HPSE2: variants seen among roughly 807,000 people sequenced by gnomAD.
The protein encoded by HPSE2 is inactive heparanase-2.
Under a neutral mutation model 60.5 loss-of-function variants are expected in HPSE2, and 38 were observed. The observed-to-expected ratio is 0.63, with a 90% confidence interval of 0.48 to 0.82. The LOEUF is 0.82. HPSE2 is among the 40% of genes least tolerant of loss of function. The pLI is 0.00. For synonymous variants in HPSE2, 295 were observed against 293.2 expected (o/e 1.01, Z -0.06); for missense variants, 713 against 740.4 (o/e 0.96, Z 0.43).
intron 7 of HPSE2, among the ~76,000 whole-genome samples, chr10:98,630,204 T>G (rs541737669): frequency 7.3e-4 from 110 of 150,184 alleles, no homozygotes; most frequent in East Asian, 5.1e-3. Flanking sequence ...TGTTTTTTTT[T>G]TTTTTGTTTT....
At position 98,936,008 on chromosome 10, in the gene HPSE2, G is replaced by T. The variant is rs577916720; in HGVS notation, c.611-191952C>A. 3.7e-4 allele frequency among the ~76,000 whole-genome samples: 54 copies of T among 144,774 alleles called. 9 individuals are homozygous for T. Among genetic ancestry groups the T allele is most frequent in the African/African-American group, 1.3e-3 (47 of 35,982 alleles). The allele number at this position is 144,774 out of a possible 152,430, so 95.0% of individuals were successfully genotyped here. On this transcript the variant is annotated intron_variant, in intron 3 of 11. Transcript: ENST00000370552. ...CCTGCAGGGATGCCCTGCCCGGTGA[G>T]GGGGTATCTAGAGAAGTAGTCTGGC...
chr10:98,460,710 A>G (rs1428555469), intron 11 of HPSE2, among the ~76,000 whole-genome samples: 1 of 152,242 alleles, frequency 6.6e-6, no homozygotes, highest in African/African-American at 2.4e-5. Context: ...TGTGATCACA[A>G]TTCATCTATC....
intron 3 of HPSE2, chr10:98,924,349 A>G (rs888944412): frequency 6.6e-6 from 1 of 152,344 alleles, no homozygotes; most frequent in African/African-American, 2.4e-5. Flanking sequence ...GGCCTTGCCC[A>G]AGGCCCTTCC....
intron 3 of HPSE2, among the ~76,000 whole-genome samples, chr10:99,004,044 TAAGTA>T (rs1353707182): frequency 6.6e-6 from 1 of 152,100 alleles, no homozygotes; most frequent in Non-Finnish European, 1.5e-5. Flanking sequence ...TTATTTGATA[TAAGTA>T]TAGTTACCCT....
At chr10:99,073,799 T>C (rs1161002681) in intron 3 of HPSE2, among the ~76,000 whole-genome samples, 1 of 152,220 alleles carries the variant, frequency 6.6e-6, no homozygotes, top group Non-Finnish European at 1.5e-5. Flanking sequence ...TATTTTATTC[T>C]TTTTGATGCT....
chr10:98,861,954 G>C lies in HPSE2; in HGVS notation c.611-117898C>G, dbSNP rs373277763. Among the ~76,000 whole-genome samples the C allele has an allele frequency of 1.1e-4, 17 of 152,266 alleles. No homozygotes were observed. The East Asian group carries it at 1.5e-3, about 14-fold the overall frequency. Reference sequence around the variant, plus strand: ...GGATCTTTGAAATATAGGCCCTCTAGCGTTTGCAGGAATAGTGAGTTGTCC... The same window carrying C: ...GGATCTTTGAAATATAGGCCCTCTACCGTTTGCAGGAATAGTGAGTTGTCC... On this transcript the variant is annotated intron_variant, in intron 3 of 11. Coordinates refer to ENST00000370552, the MANE Select transcript of HPSE2 (RefSeq NM_021828.5).
At chr10:99,119,119 GGGAA>G (rs1337475575) in intron 3 of HPSE2, among the ~76,000 whole-genome samples, 2 of 150,190 alleles carry the variant, frequency 1.3e-5, no homozygotes, top group African/African-American at 4.9e-5. Flanking sequence ...GAGGGAGGGA[GGGAA>G]GGAAGGCTGA....
chr10:98,619,533 T>A (rs1323770707), intron 8 of HPSE2, among the ~76,000 whole-genome samples: 1 of 152,216 alleles, frequency 6.6e-6, no homozygotes, highest in Non-Finnish European at 1.5e-5. Flanking sequence ...TGGCTTGCTG[T>A]GAATATAGAA....
At chr10:98,934,663 C>A (rs1376625655) in intron 3 of HPSE2, among the ~76,000 whole-genome samples, 1 of 144,166 alleles carries the variant, frequency 6.9e-6, no homozygotes, top group African/African-American at 2.8e-5. Context: ...GTGTCATGGG[C>A]TTCCCTTTGT....
chr10:98,735,768 C>T (rs1949341523), intron 4 of HPSE2, among the ~76,000 whole-genome samples: 2 of 152,148 alleles, frequency 1.3e-5, no homozygotes, highest in South Asian at 4.1e-4. Flanking sequence ...TTTATTTTGG[C>T]TAATTTCTCC....
At chr10:98,744,859 G>C (rs2134331997) in intron 3 of HPSE2, among the ~76,000 whole-genome samples, 1 of 152,274 alleles carries the variant, frequency 6.6e-6, no homozygotes, top group Admixed American at 6.5e-5. Context: ...TTTCACTGAA[G>C]TCCAGATTTC....
At chr10:99,161,767 A>C (rs1219507380) in intron 2 of HPSE2, among the ~76,000 whole-genome samples, 1 of 152,218 alleles carries the variant, frequency 6.6e-6, no homozygotes, top group African/African-American at 2.4e-5. Flanking sequence ...AGTAGCCAAA[A>C]GGTAGAAGTA....
chr10:99,259,526 C>T, the HPSE2 span, among the ~76,000 whole-genome samples: 82,913 of 152,008 alleles, frequency 0.55, 24,421 homozygotes, highest in East Asian at 0.66. Flanking sequence ...AAAAATTGCA[C>T]GAAAAGATGC....
At chr10:99,163,384 A>G (rs1487956102) in intron 2 of HPSE2, among the ~76,000 whole-genome samples, 1 of 152,174 alleles carries the variant, frequency 6.6e-6, no homozygotes, top group Non-Finnish European at 1.5e-5. Context: ...AAATACGTAA[A>G]GTCCTCAGTT....
At chr10:98,625,183 T>C (rs1030379784) in intron 7 of HPSE2, among the ~76,000 whole-genome samples, 3 of 152,216 alleles carry the variant, frequency 2.0e-5, no homozygotes, top group Non-Finnish European at 2.9e-5. Flanking sequence ...AAGGAAGTCA[T>C]GTGACCTGAT....
intron 3 of HPSE2, among the ~76,000 whole-genome samples, chr10:99,067,065 G>A (rs1174839303): frequency 6.6e-6 from 1 of 152,132 alleles, no homozygotes; most frequent in African/African-American, 2.4e-5. Context: ...AAAATCCAAT[G>A]GGGCAGTCAA....
At chr10:98,991,012 G>A (rs1355023070) in intron 3 of HPSE2, among the ~76,000 whole-genome samples, 1 of 152,112 alleles carries the variant, frequency 6.6e-6, no homozygotes, top group Admixed American at 6.5e-5. Context: ...AATTGATCAT[G>A]CATATTCCCA....
chr10:99,145,361 G>T (rs1846013266), intron 2 of HPSE2, among the ~76,000 whole-genome samples: 2 of 124,388 alleles, frequency 1.6e-5, no homozygotes, highest in Middle Eastern at 3.7e-3. Flanking sequence ...GGAGGCTGAG[G>T]CAGGAGAATC....
chr10:98,789,238 A>C (rs1950602840), intron 3 of HPSE2, among the ~76,000 whole-genome samples: 1 of 152,192 alleles, frequency 6.6e-6, no homozygotes, highest in Non-Finnish European at 1.5e-5. Flanking sequence ...TCAGACCTTA[A>C]GTGGAGAAGT....
Sources: allele counts gnomAD v4.1 joint callset (sites outside exome capture counted in the v4.1 genomes callset), GRCh38; gene constraint gnomAD v4.1.1; transcripts MANE v1.5; gene names NCBI Gene and HGNC (gene_info 2026-07-23, HGNC 2026-07-21).